TRMT2A: variants seen among roughly 807,000 people sequenced by gnomAD.
TRMT2A encodes the protein tRNA (uracil-5-)-methyltransferase homolog A.
A neutral mutation model predicts 59.3 loss-of-function variants in TRMT2A; 60 were observed. The ratio of observed to expected loss-of-function variants is 1.01; its 90% CI spans 0.82 to 1.26. The LOEUF (loss-of-function observed/expected upper bound fraction) is 1.26. Among genes scored for constraint, TRMT2A ranks in the 50% most tolerant of loss-of-function variants. TRMT2A has a pLI of 0.00. For missense variants in TRMT2A, 863 were observed against 845.2 expected (o/e 1.02, Z -0.26); for synonymous variants, 403 against 353.7 (o/e 1.14, Z -1.56).
Position 20,114,750 on chromosome 22 carries a change from G to A in TRMT2A, c.1121+11C>T, listed in dbSNP as rs200427156. The A allele has an allele frequency of 3.0e-4, 491 of 1,611,992 alleles. No individual in the cohort carries two copies. The highest frequency in any genetic ancestry group is 3.9e-4 in the Non-Finnish European group (460 of 1,179,608). ...TGCAGGGACCTGCCCCGCCCCACTCGGGCTCCTTACCGCTGTCCCTCCTCC... is the reference window on the plus strand; with the variant it reads ...TGCAGGGACCTGCCCCGCCCCACTCAGGCTCCTTACCGCTGTCCCTCCTCC... On this transcript the variant is annotated intron_variant, in intron 6 of 11. Coordinates refer to ENST00000252136, the MANE Select transcript of TRMT2A (RefSeq NM_022727.6).
chr22:20,113,308 G>T, intron 9 of TRMT2A, 74 bp from the exon 10 acceptor site: 1 of 1,509,046 alleles, frequency 6.6e-7, no homozygotes, highest in Non-Finnish European at 8.9e-7. Flanking sequence ...GGAACCCCTA[G>T]CCAAAGAGCT....
At position 20,114,794 on chromosome 22, in the gene TRMT2A, ACT is replaced by A. The variant is rs1443390216; in HGVS notation, c.1086_1087del (p.Val363AspfsTer15). The A allele has an allele frequency of 3.1e-6, 5 of 1,610,394 alleles. No homozygotes were observed. The highest frequency in any genetic ancestry group is 4.2e-6 in the Non-Finnish European group (5 of 1,179,338). ...CTCCTCCACGAAGTAGAGGCAGGTC[ACT>A]CCACTGGCCCTGCCTGGCCCTGCTG... On this transcript the variant is annotated frameshift_variant, in exon 6 of 12. Coordinates refer to ENST00000252136, the MANE Select transcript of TRMT2A (RefSeq NM_022727.6). LOFTEE classifies it high-confidence loss of function.
rs960185340 is a variant in TRMT2A, at chr22:20,112,561, G to A, written c.*2C>T. On this transcript the variant is annotated 3_prime_UTR_variant, in exon 12 of 12. Coordinates refer to ENST00000252136, the MANE Select transcript of TRMT2A (RefSeq NM_022727.6). ...CTCCTGTCCCCATAATGGGTCCTGG[G>A]CCTAGGATGAGGGGAAGGTCCCAGT... 2 of 1,613,676 alleles carry A rather than the reference G, an allele frequency of 1.2e-6. No individual in the cohort carries two copies. The highest frequency in any genetic ancestry group is 1.1e-5 in the South Asian group (1 of 91,076).
At position 20,112,919 on chromosome 22, in the gene TRMT2A, G is replaced by A; in HGVS notation, c.1638C>T (p.Asn546=). Reference sequence around the variant, plus strand: ...CCCCTGCAGACACTCACTCCACAAAGTTGCCCATGGCTGCCCGGGGGTTGC... The same window carrying A: ...CCCCTGCAGACACTCACTCCACAAAATTGCCCATGGCTGCCCGGGGGTTGC... The part of the protein sequence containing the change: ...VSCNPRAAMG[N]FVDLCRAPSN... The change falls in exon 11 of 12, where the codon AAC becomes AAT. Residue 546 remains asparagine, a synonymous_variant. Transcript: ENST00000252136. 1.9e-6 allele frequency: 3 copies of A among 1,613,806 alleles called. No individual in the cohort carries two copies. Among genetic ancestry groups the A allele is most frequent in the Non-Finnish European group, 2.5e-6 (3 of 1,180,014 alleles).
At position 20,113,453 on chromosome 22, in the gene TRMT2A, G is replaced by C. The variant is rs201281385; in HGVS notation, c.1411C>G (p.Arg471Gly). 2 of 1,391,758 alleles carry C rather than the reference G, an allele frequency of 1.4e-6. No homozygotes were observed. Among genetic ancestry groups the C allele is most frequent in the East Asian group, 7.7e-5 (2 of 26,078 alleles). 86.2% of individuals were successfully genotyped at this position (1,391,758 alleles called of 1,614,324 possible). A position where few individuals can be genotyped will look rare whatever the true frequency, so the allele number is the denominator to read the frequency against. Residue 471 changes from arginine (R) to glycine (G), a missense_variant, in exon 9 of 12, where the codon CGG (arginine) becomes GGG (glycine). By Grantham distance (125) the Arg-to-Gly change is moderately radical (BLOSUM62 -2). Transcript: ENST00000252136. ...ELCPEAVEDA[R>G]VNAQDNELSN... The stretch of plus-strand genomic sequence containing the variant: ...TCACCATTGTCCTGGGCGTTCACCC[G>C]GGCGTCCTCCACAGCCTCTGGGCAT...
Position 20,114,689 on chromosome 22 carries a change from T to A in TRMT2A, c.1122-4A>T. 6.2e-7 allele frequency: 1 copy of A among 1,613,086 alleles called. No individual in the cohort carries two copies. ...GCCCTCCTGGCTAGGAGTCTTTCTG[T>A]GGGCGAAGGTGCAGGTCCTTCAGTG... On this transcript the variant is annotated splice_region_variant and splice_polypyrimidine_tract_variant and intron_variant, in intron 6 of 11. Transcript: ENST00000252136.
intron 1 of TRMT2A, 94 bp from the exon 2 acceptor site, chr22:20,116,706 T>C: frequency 6.9e-6 from 10 of 1,447,172 alleles, no homozygotes; most frequent in Non-Finnish European, 8.3e-6. Flanking sequence ...CCTCCGTCGG[T>C]GCACTCTGCA....
At chr22:20,115,555 CTA>C in intron 3 of TRMT2A, 108 bp from the exon 4 acceptor site, 1 of 1,563,666 alleles carries the variant, frequency 6.4e-7, no homozygotes, top group Non-Finnish European at 8.8e-7. Flanking sequence ...CAGCTGACAA[CTA>C]TGTGATGTTA....
Position 20,116,267 on chromosome 22 carries a change from T to A in TRMT2A, c.370A>T (p.Lys124Ter). The change falls in exon 2 of 12, where the codon AAG becomes TAG. Residue 124 changes from lysine to a stop codon, truncating the protein, a stop_gained. Coordinates refer to ENST00000252136, the MANE Select transcript of TRMT2A (RefSeq NM_022727.6). LOFTEE classifies it high-confidence loss of function. Reference protein sequence around the residue: ...VTFRSAAERDKALRVLHGALW... With the variant: ...VTFRSAAERD The stretch of plus-strand genomic sequence containing the variant: ...GCACCATGCAAAACGCGCAGGGCCT[T>A]GTCCCTCTCTGCAGCGCTGCGGAAT... The A allele has an allele frequency of 2.5e-6, 4 of 1,612,968 alleles. No individual in the cohort carries two copies. The highest frequency in any genetic ancestry group is 3.4e-6 in the Non-Finnish European group (4 of 1,180,020).
Position 20,115,063 on chromosome 22 carries a change from C to G in TRMT2A, c.907G>C (p.Ala303Pro). The change falls in exon 5 of 12, where the codon GCA (alanine) becomes CCA (proline). Residue 303 changes from alanine to proline, a missense_variant. By Grantham distance (27) the Ala-to-Pro change is conservative. Transcript: ENST00000252136. ...CCTGTGTACGTCTCTGGGTCGTATG[C>G]CGAGTATGGAGTGGACCTGTGGGAA... Reference protein sequence around the residue: ...QEFIRSTPYSAYDPETYTGHW... With the variant: ...QEFIRSTPYSPYDPETYTGHW... 6.3e-7 allele frequency: 1 copy of G among 1,592,268 alleles called. No individual in the cohort carries two copies. The highest frequency in any genetic ancestry group is 1.1e-5 in the South Asian group (1 of 88,282).
chr22:20,116,940 C>G lies in TRMT2A; in HGVS notation c.-34G>C. 6.3e-7 allele frequency: 1 copy of G among 1,578,672 alleles called. No individual in the cohort carries two copies. Among genetic ancestry groups the G allele is most frequent in the African/African-American group, 1.3e-5 (1 of 74,174 alleles). ...CGGTTCTCCGCCTAGACCAGGGACGCCATGGGGGCCGCCTGGCCACCTCGT... is the reference window on the plus strand; with the variant it reads ...CGGTTCTCCGCCTAGACCAGGGACGGCATGGGGGCCGCCTGGCCACCTCGT... On this transcript the variant is annotated 5_prime_UTR_variant, in exon 1 of 12. Coordinates refer to ENST00000252136, the MANE Select transcript of TRMT2A (RefSeq NM_022727.6).
At position 20,116,863 on chromosome 22, in the gene TRMT2A, A is replaced by G. The variant is rs757149567; in HGVS notation, c.24+20T>C. 54 of 1,236,104 alleles carry G rather than the reference A, an allele frequency of 4.4e-5. No homozygotes were observed. The highest frequency in any genetic ancestry group is 5.7e-5 in the Non-Finnish European group (53 of 925,718). The allele number at this position is 1,236,104 out of a possible 1,614,324, so 76.6% of individuals were successfully genotyped here. A position where few individuals can be genotyped will look rare whatever the true frequency, so the allele number is the denominator to read the frequency against. ...TCCCACCCCATCCCCGTCTCTACCC[A>G]GCGTCTCCCCGCACTCTACCTCGTT... On this transcript the variant is annotated intron_variant, in intron 1 of 11. Coordinates refer to ENST00000252136, the MANE Select transcript of TRMT2A (RefSeq NM_022727.6).
chr22:20,113,235 C>CT lies in TRMT2A; in HGVS notation c.1433-2dup, dbSNP rs780706751. ...CAGTGGAACTCCACATTACTCAACT[C>CT]TGAAGAGATGGCACCGTGGCCTGTC... On this transcript the variant is annotated splice_acceptor_variant, in intron 9 of 11. Coordinates refer to ENST00000252136, the MANE Select transcript of TRMT2A (RefSeq NM_022727.6). LOFTEE classifies it high-confidence loss of function. The CT allele has an allele frequency of 1.3e-6, 2 of 1,550,306 alleles. No individual in the cohort carries two copies. The highest frequency in any genetic ancestry group is 3.7e-5 in the Admixed American group (2 of 53,608).
At position 20,114,606 on chromosome 22, in the gene TRMT2A, T is replaced by A; in HGVS notation, c.1201A>T (p.Thr401Ser). 1 of 1,613,682 alleles carries A rather than the reference T, an allele frequency of 6.2e-7. No individual in the cohort carries two copies. The highest frequency in any genetic ancestry group is 8.5e-7 in the Non-Finnish European group (1 of 1,179,990). ...RCIHEDLLGL[T>S]FRISPHAFFQ... ...AAGGCGTGTGGAGAGATCCGGAAGG[T>A]CAGCCCTAGCAGGTCCTCGTGGATG... Residue 401 changes from threonine (T) to serine (S), a missense_variant, in exon 7 of 12, where the codon ACC becomes TCC. Thr to Ser is a moderately conservative substitution (Grantham distance 58). Coordinates refer to ENST00000252136, the MANE Select transcript of TRMT2A (RefSeq NM_022727.6).
chr22:20,113,143 G>A lies in TRMT2A; in HGVS notation c.1524C>T (p.Ile508=), dbSNP rs141665683. ...GCAAGCCAGCACGGGGTGGGTCCAG[G>A]ATGGCCACGAGGTGCTGGGAGGCCA... ...SRLASQHLVA[I]LDPPRAGLHS... Residue 508 remains isoleucine, a synonymous_variant, in exon 10 of 12, where the codon ATC becomes ATT. Coordinates refer to ENST00000252136, the MANE Select transcript of TRMT2A (RefSeq NM_022727.6). The A allele has an allele frequency of 8.1e-5, 130 of 1,602,298 alleles. No homozygotes were observed. The highest frequency in any genetic ancestry group is 1.1e-4 in the Non-Finnish European group (125 of 1,173,428).
chr22:20,113,493 G>T lies in TRMT2A; in HGVS notation c.1371C>A (p.Val457=), dbSNP rs2049912988. 6.2e-7 allele frequency: 1 copy of T among 1,613,348 alleles called. No homozygotes were observed. The highest frequency in any genetic ancestry group is 8.5e-7 in the Non-Finnish European group (1 of 1,179,920). ...GLALARKVKR[V]IGVELCPEAV... ...CCTCTGGGCATAGCTCGACCCCAAT[G>T]ACCCTCTTTACCTTCTGAAACAGGA... The change falls in exon 9 of 12, where the codon GTC becomes GTA. Residue 457 remains valine (V), a synonymous_variant. Transcript: ENST00000252136.
chr22:20,115,247 C>G lies in TRMT2A; in HGVS notation c.890+19G>C. The G allele has an allele frequency of 6.2e-7, 1 of 1,602,736 alleles. No individual in the cohort carries two copies. Among genetic ancestry groups the G allele is most frequent in the Non-Finnish European group, 8.5e-7 (1 of 1,172,208 alleles). Reference sequence around the variant, plus strand: ...CACACCGCATAGGACTTCCCGGGAGCCCCGTCACAGGTCCTCACCGGATGA... The same window carrying G: ...CACACCGCATAGGACTTCCCGGGAGGCCCGTCACAGGTCCTCACCGGATGA... On this transcript the variant is annotated intron_variant, in intron 4 of 11. Transcript: ENST00000252136.
Position 20,113,890 on chromosome 22 carries a change from C to G in TRMT2A, c.1234-82G>C. The G allele has an allele frequency of 3.4e-6, 5 of 1,454,886 alleles. No individual in the cohort carries two copies. The Admixed American group carries it at 7.8e-5, about 23-fold the overall frequency. The allele number at this position is 1,454,886 out of a possible 1,614,324, so 90.1% of individuals were successfully genotyped here. ...GCCCCGACGCCCACATTCCTGGTCC[C>G]TCCATCCTGCCGGGACCTCCGGCGC... On this transcript the variant is annotated intron_variant, in intron 7 of 11. Transcript: ENST00000252136.
rs765891509 is a variant in TRMT2A at position 20,114,869 on chromosome 22, C to A, written c.1013G>T (p.Ser338Ile). The A allele has an allele frequency of 1.3e-6, 2 of 1,593,078 alleles. No individual in the cohort carries two copies. Among genetic ancestry groups the A allele is most frequent in the South Asian group, 1.1e-5 (1 of 88,500 alleles). ...AIAYFHPQKLSPEELAELKTS... is the reference protein window; with the variant it reads ...AIAYFHPQKLIPEELAELKTS... Reference sequence around the variant, plus strand: ...CTTCAGCTCTGCCAGCTCCTCAGGGCTCAGCTTCTGGAGTAAGTGGTGAAA... The same window carrying A: ...CTTCAGCTCTGCCAGCTCCTCAGGGATCAGCTTCTGGAGTAAGTGGTGAAA... Residue 338 changes from serine to isoleucine, a missense_variant, in exon 6 of 12, where the codon AGC becomes ATC. By Grantham distance (142) the Ser-to-Ile change is moderately radical. Transcript: ENST00000252136.
Sources: gnomAD v4.1 joint callset for allele counts on GRCh38, gnomAD v4.1.1 for gene constraint, MANE v1.5 for transcripts, NCBI Gene and HGNC (gene_info 2026-07-23, HGNC 2026-07-21) for gene names.